The following THBS4 variants were observed in gnomAD, a reference collection of about 807,000 sequenced individuals.
The protein encoded by THBS4 is thrombospondin 4, also known as thrombospondin-4.
THBS4 carries 90 observed loss-of-function variants against 115.7 expected under a neutral mutation model. The ratio of observed to expected loss-of-function variants is 0.78; its 90% CI spans 0.66 to 0.93. THBS4 has a LOEUF of 0.93. Ranked by LOEUF, THBS4 falls within the 40% of genes least tolerant of loss-of-function variation. The probability of loss-of-function intolerance (pLI) is 0.00; values close to 1 mark genes in which losing one functional copy is unlikely to be tolerated. For synonymous variants in THBS4, 460 were observed against 479.3 expected, an observed-to-expected ratio of 0.96 and a Z score of 0.53; for missense variants, 1,087 against 1,232.7, an observed-to-expected ratio of 0.88 and a Z score of 1.77.
In THBS4 at chr5:80,065,473, CT is replaced by C; in HGVS notation, c.1193del (p.Leu398TrpfsTer18). ...GTTCCCAACTCGATCTGCGTTAATA[CT>C]TTGGTAAGTATTTCTCACAGCTGTT... ...ACVPNSICVNTLGSYRCGPCK... is the reference protein window; with the variant it reads ...ACVPNSICVNXLGSYRCGPCK... On this transcript the variant is annotated frameshift_variant, in exon 9 of 22. Coordinates refer to ENST00000350881, the MANE Select transcript of THBS4 (RefSeq NM_003248.6). LOFTEE classifies it high-confidence loss of function. 6.2e-7 allele frequency: 1 copy of C among 1,613,092 alleles called. No individual in the cohort carries two copies. The highest frequency in any genetic ancestry group is 8.5e-7 in the Non-Finnish European group (1 of 1,179,638).
chr5:80,042,124 A>G (rs1311656488), intron 2 of THBS4, among the ~76,000 whole-genome samples: 1 of 152,166 alleles, frequency 6.6e-6, no homozygotes, highest in Non-Finnish European at 1.5e-5. Flanking sequence ...GTGTCAGATA[A>G]TAAAGTGAGT....
chr5:80,063,421 A>G (rs2112110039), intron 8 of THBS4, among the ~76,000 whole-genome samples: 1 of 152,186 alleles, frequency 6.6e-6, no homozygotes, highest in African/African-American at 2.4e-5. Context: ...AGTTCTTTGT[A>G]GATTCTGGAT....
chr5:80,031,003 G>A (rs1421951266), upstream of THBS4, among the ~76,000 whole-genome samples: 1 of 152,200 alleles, frequency 6.6e-6, no homozygotes, highest in Admixed American at 6.5e-5. Context: ...GAAGAATGGT[G>A]CTATAGTCAC....
intron 5 of THBS4, among the ~76,000 whole-genome samples, chr5:80,059,143 A>G (rs2112095650): frequency 6.6e-6 from 1 of 152,216 alleles, no homozygotes; most frequent in Admixed American, 6.5e-5. Flanking sequence ...CAGCCTGAAC[A>G]ACATGGTGAA....
chr5:80,035,411 G>T lies in THBS4; in HGVS notation c.-127G>T. 2.1e-6 allele frequency: 1 copy of T among 480,866 alleles called. No individual in the cohort carries two copies. Among genetic ancestry groups the T allele is most frequent in the Non-Finnish European group, 3.1e-6 (1 of 324,210 alleles). The allele number at this position is 480,866 out of a possible 1,614,324, so 29.8% of individuals were successfully genotyped here. On this transcript the variant is annotated 5_prime_UTR_variant, in exon 1 of 22. Coordinates refer to ENST00000350881, the MANE Select transcript of THBS4 (RefSeq NM_003248.6). The surrounding 1 kb of genome is among the most constrained non-coding windows in gnomAD (Gnocchi z 4.6). ...GCGCGCCCCCGACGGCAGCCCGGAC[G>T]CCGAGCACGGGTCACCTGCGGCGCC...
rs772692627 is a variant in THBS4 at position 80,059,878 on chromosome 5, C to T, written c.960C>T (p.Asn320=). ...CCTGCCCCGAGGGCTACACAGGAAA[C>T]GGGATCACCTGTATTGATGTTGATG... ...CGPCPEGYTG[N]GITCIDVDEC... is the part of the protein sequence containing the mutation. Residue 320 remains asparagine, a synonymous_variant, in exon 7 of 22, where the codon AAC becomes AAT. Transcript: ENST00000350881. The T allele has an allele frequency of 1.2e-5, 20 of 1,613,876 alleles. No homozygotes were observed. Among genetic ancestry groups the T allele is most frequent in the East Asian group, 2.2e-5 (1 of 44,882 alleles).
chr5:80,059,697 C>T lies in THBS4; in HGVS notation c.785-6C>T, dbSNP rs1833560109. The T allele has an allele frequency of 3.7e-6, 6 of 1,613,730 alleles. No homozygotes were observed. Among genetic ancestry groups the T allele is most frequent in the Non-Finnish European group, 5.1e-6 (6 of 1,179,796 alleles). ...AATACGCCTGTGGATGATTGTTTTT[C>T]TCTAGGTCCTCTCAAGTTTCAGTCT... On this transcript the variant is annotated splice_region_variant and splice_polypyrimidine_tract_variant and intron_variant, in intron 6 of 21. Transcript: ENST00000350881.
chr5:80,018,451 A>G (rs1005691583), intron 2 of THBS4, among the ~76,000 whole-genome samples: 6 of 143,576 alleles, frequency 4.2e-5, no homozygotes, highest in Admixed American at 2.1e-4. Flanking sequence ...CTGGAGTGCA[A>G]TGGCATGATC....
chr5:80,070,820 C>T, intron 12 of THBS4, 70 bp downstream of exon 12: 1 of 1,579,806 alleles, frequency 6.3e-7, no homozygotes, highest in Non-Finnish European at 8.7e-7. Context: ...CCTGTGATGT[C>T]AACTATGTAT....
chr5:80,045,875 A>G (rs1199677614), intron 2 of THBS4, among the ~76,000 whole-genome samples: 3 of 152,220 alleles, frequency 2.0e-5, no homozygotes, highest in African/African-American at 7.2e-5. Context: ...AAAAGCTCAA[A>G]GCCTATTTCC....
chr5:80,026,075 A>C (rs1832470825), intron 2 of THBS4, among the ~76,000 whole-genome samples: 1 of 152,238 alleles, frequency 6.6e-6, no homozygotes, highest in Non-Finnish European at 1.5e-5. Flanking sequence ...CAAATGGAAT[A>C]ATAAACTATG....
rs140795367 is a variant in THBS4 at position 79,997,168 on chromosome 5, G to A, written n.82-1164G>A. Among the ~76,000 whole-genome samples the A allele has an allele frequency of 6.2e-3, 937 of 151,982 alleles. 9 individuals carry two copies. Among genetic ancestry groups the A allele is most frequent in the African/African-American group, 0.021 (887 of 41,416 alleles). On this transcript the variant is annotated intron_variant and non_coding_transcript_variant, in intron 1 of 3. Transcript: ENST00000510218. Reference sequence around the variant, plus strand: ...CAGAAAACAGGTAACAAAATGGCAGGCTTAAATCCTAAAATACCAAGACTT... The same window carrying A: ...CAGAAAACAGGTAACAAAATGGCAGACTTAAATCCTAAAATACCAAGACTT...
intron 2 of THBS4, among the ~76,000 whole-genome samples, chr5:80,014,941 C>A (rs982039199): frequency 2.6e-5 from 4 of 152,198 alleles, no homozygotes; most frequent in African/African-American, 9.6e-5. Context: ...TAACTGACGT[C>A]TTTTCTTTGA....
intron 2 of THBS4, among the ~76,000 whole-genome samples, chr5:80,001,685 G>A (rs972363447): frequency 2.0e-5 from 3 of 152,164 alleles, no homozygotes; most frequent in Non-Finnish European, 4.4e-5. Flanking sequence ...TAGAGCAATA[G>A]TATATTGTGG....
At chr5:80,011,621 A>AAACT (rs1832128139) in intron 2 of THBS4, among the ~76,000 whole-genome samples, 1 of 152,202 alleles carries the variant, frequency 6.6e-6, no homozygotes, top group Non-Finnish European at 1.5e-5. Flanking sequence ...AACAACTGAG[A>AAACT]AACTGCTTAT....
intron 2 of THBS4, among the ~76,000 whole-genome samples, chr5:80,054,011 G>C (rs1051175873): frequency 1.2e-4 from 18 of 152,060 alleles, no homozygotes; most frequent in Admixed American, 9.8e-4. Flanking sequence ...AAAAAAACAA[G>C]GCTGAAAACC....
intron 9 of THBS4, among the ~76,000 whole-genome samples, chr5:80,065,739 T>TATTGAGTAAATA (rs1432226798): frequency 6.6e-6 from 1 of 152,242 alleles, no homozygotes; most frequent in Non-Finnish European, 1.5e-5. Flanking sequence ...GATAACTATT[T>TATTGAGTAAATA]ATTGAGTAAA....
intron 2 of THBS4, among the ~76,000 whole-genome samples, chr5:79,999,785 A>G (rs1831861121): frequency 6.6e-6 from 1 of 152,220 alleles, no homozygotes; most frequent in Non-Finnish European, 1.5e-5. Flanking sequence ...GTAAAATGAG[A>G]TATATCTGGT....
chr5:80,010,254 A>G (rs1832097522), intron 2 of THBS4, among the ~76,000 whole-genome samples: 1 of 152,212 alleles, frequency 6.6e-6, no homozygotes, highest in Admixed American at 6.5e-5. Context: ...GGAGCAGACT[A>G]CACTTTCCCC....
Sources: allele counts gnomAD v4.1 joint callset (sites outside exome capture counted in the v4.1 genomes callset), GRCh38; gene constraint gnomAD v4.1.1; non-coding constraint Gnocchi (gnomAD v3.1); transcripts MANE v1.5; gene names NCBI Gene and HGNC (gene_info 2026-07-23, HGNC 2026-07-21).